The following ACOT12 variants were observed in gnomAD, a reference collection of about 807,000 sequenced individuals.
The protein encoded by ACOT12 is acyl-CoA thioesterase 12, also known as acetyl-coenzyme A thioesterase.
In ACOT12, 51 loss-of-function variants were observed where a neutral mutation model predicts 67.7. That is an observed-to-expected ratio of 0.75 (90% CI 0.60 to 0.95). The LOEUF (loss-of-function observed/expected upper bound fraction) is 0.95, where lower values mean the gene tolerates loss of function less well. ACOT12 is among the 40% of genes least tolerant of loss of function. ACOT12 has a pLI of 0.00. For missense variants in ACOT12, 734 were observed against 708.1 expected, an observed-to-expected ratio of 1.04 and a Z score of -0.41; for synonymous variants, 251 against 244.6, an observed-to-expected ratio of 1.03 and a Z score of -0.24.
intron 4 of ACOT12, among the ~76,000 whole-genome samples, chr5:81,360,799 A>T (rs2153854521): frequency 6.6e-6 from 1 of 152,240 alleles, no homozygotes; most frequent in South Asian, 2.1e-4. Context: ...GGTGGCTCAC[A>T]CCTATAATCC....
At chr5:81,320,791 GTGTTT>G in the ACOT12 span, among the ~76,000 whole-genome samples, 10 of 152,270 alleles carry the variant, frequency 6.6e-5, no homozygotes, top group African/African-American at 1.4e-4. Context: ...AGTATGCTTT[GTGTTT>G]TGTTTTGTTT....
chr5:81,374,367 C>T (rs1205086908), intron 2 of ACOT12, among the ~76,000 whole-genome samples: 1 of 152,076 alleles, frequency 6.6e-6, no homozygotes, highest in Non-Finnish European at 1.5e-5. Context: ...GGTAGATAAA[C>T]CCATGAAGAT....
rs550932422 is a variant in ACOT12, at chr5:81,377,003, T to A, written c.198-5193A>T. Reference sequence around the variant, plus strand: ...AACTCATTCTGTGAGGCCAGCATCATCCTGATACCAAGACCTGGCAGAGAC... The same window carrying A: ...AACTCATTCTGTGAGGCCAGCATCAACCTGATACCAAGACCTGGCAGAGAC... On this transcript the variant is annotated intron_variant, in intron 2 of 14. Transcript: ENST00000307624. Among the ~76,000 whole-genome samples the A allele has an allele frequency of 1.2e-3, 180 of 152,254 alleles. 1 individual carries two copies. Among genetic ancestry groups the A allele is most frequent in the African/African-American group, 4.1e-3 (172 of 41,556 alleles).
intron 8 of ACOT12, 49 bp downstream of exon 8, chr5:81,344,842 C>T (rs373539007): frequency 1.2e-6 from 2 of 1,602,864 alleles, no homozygotes. Context: ...CTAGGTAGAG[C>T]TCTCTATTCA....
chr5:81,359,773 G>C (rs1289329316), intron 5 of ACOT12, 130 bp downstream of exon 5: 1 of 1,007,328 alleles, frequency 9.9e-7, no homozygotes, highest in Non-Finnish European at 1.4e-6. Context: ...CACCGGGTTT[G>C]TTGGAAAGGA....
intron 11 of ACOT12, among the ~76,000 whole-genome samples, chr5:81,338,164 A>G (rs1264285172): frequency 6.6e-6 from 1 of 152,138 alleles, no homozygotes; most frequent in African/African-American, 2.4e-5. Flanking sequence ...TAGTGAAAAA[A>G]TTTTCCAGGA....
At chr5:81,387,152 T>A (rs1171267356) in intron 1 of ACOT12, among the ~76,000 whole-genome samples, 1 of 151,928 alleles carries the variant, frequency 6.6e-6, no homozygotes, top group Non-Finnish European at 1.5e-5. Flanking sequence ...ACTACAGGTG[T>A]GCACCACCAT....
chr5:81,325,151 A>C (rs1758644731), downstream of ACOT12, among the ~76,000 whole-genome samples: 1 of 152,208 alleles, frequency 6.6e-6, no homozygotes, highest in Non-Finnish European at 1.5e-5. Context: ...TTATAACAGA[A>C]GAAAAAGCAA....
At chr5:81,364,303 A>G (rs935332723) in intron 3 of ACOT12, among the ~76,000 whole-genome samples, 3 of 151,316 alleles carry the variant, frequency 2.0e-5, no homozygotes, top group Admixed American at 2.0e-4. Flanking sequence ...ACATACACAT[A>G]TATAATATCA....
intron 4 of ACOT12, among the ~76,000 whole-genome samples, chr5:81,362,079 C>T (rs1319969353): frequency 6.6e-6 from 1 of 151,994 alleles, no homozygotes; most frequent in African/African-American, 2.4e-5. Flanking sequence ...ATTATGTTAG[C>T]ACCATAATGG....
chr5:81,386,197 G>A (rs903141028), intron 1 of ACOT12, among the ~76,000 whole-genome samples: 2 of 152,112 alleles, frequency 1.3e-5, no homozygotes, highest in African/African-American at 2.4e-5. Context: ...AGCATCACAG[G>A]TGTAGCCACT....
chr5:81,326,988 TTA>T (rs1223060566), downstream of ACOT12, among the ~76,000 whole-genome samples: 5 of 152,290 alleles, frequency 3.3e-5, no homozygotes, highest in African/African-American at 9.6e-5. Flanking sequence ...ACTTATTCCT[TTA>T]TATGTCTTTT....
At chr5:81,358,024 A>T in intron 5 of ACOT12, among the ~76,000 whole-genome samples, 1 of 151,510 alleles carries the variant, frequency 6.6e-6, no homozygotes. Context: ...AAAAAAAAAA[A>T]AAAAAAGAAG....
chr5:81,374,817 G>A (rs951961669), intron 2 of ACOT12, among the ~76,000 whole-genome samples: 1 of 152,118 alleles, frequency 6.6e-6, no homozygotes, highest in Non-Finnish European at 1.5e-5. Flanking sequence ...AACAAACAAA[G>A]CCTCCAAGAA....
At chr5:81,364,277 A>T (rs1428387771) in intron 3 of ACOT12, among the ~76,000 whole-genome samples, 1 of 150,616 alleles carries the variant, frequency 6.6e-6, no homozygotes, top group Middle Eastern at 3.3e-3. Context: ...ATATATACAC[A>T]TACATATCAC....
At chr5:81,324,645 C>T in the ACOT12 span, among the ~76,000 whole-genome samples, 1 of 152,086 alleles carries the variant, frequency 6.6e-6, no homozygotes, top group African/African-American at 2.4e-5. Flanking sequence ...ATTGAGAGGC[C>T]TGATGGAACA....
At chr5:81,358,271 A>T (rs1242219014) in intron 5 of ACOT12, among the ~76,000 whole-genome samples, 1 of 152,192 alleles carries the variant, frequency 6.6e-6, no homozygotes, top group African/African-American at 2.4e-5. Context: ...TTTACTTGTC[A>T]TGCATAGAAC....
chr5:81,377,802 G>A (rs955823423), intron 2 of ACOT12, among the ~76,000 whole-genome samples: 11 of 152,152 alleles, frequency 7.2e-5, no homozygotes, highest in South Asian at 4.2e-4. Flanking sequence ...CCTCTTCAAG[G>A]AGAACAACAA....
chr5:81,325,453 T>C (rs1758651793), downstream of ACOT12, among the ~76,000 whole-genome samples: 1 of 152,076 alleles, frequency 6.6e-6, no homozygotes, highest in Admixed American at 6.6e-5. Flanking sequence ...AATTTAGCCA[T>C]AGTTGGGGTT....
Sources: allele counts gnomAD v4.1 joint callset (sites outside exome capture counted in the v4.1 genomes callset), GRCh38; gene constraint gnomAD v4.1.1; transcripts MANE v1.5; gene names NCBI Gene and HGNC (gene_info 2026-07-23, HGNC 2026-07-21).